Variants in DOCK2 observed in about 807,000 individuals in gnomAD.
The protein encoded by DOCK2 is dedicator of cytokinesis 2, also known as dedicator of cytokinesis protein 2.
In DOCK2, 87 loss-of-function variants were observed where a neutral mutation model predicts 248.9. That is an observed-to-expected ratio of 0.35 (90% CI 0.29 to 0.42). The LOEUF is 0.42. Among genes scored for constraint, DOCK2 ranks in the 10% least tolerant of loss-of-function variants. DOCK2 has a pLI of 1.00. For synonymous variants in DOCK2, 805 were observed against 821.6 expected (o/e 0.98, Z 0.35); for missense variants, 1,747 against 2,300.2 (o/e 0.76, Z 4.92).
chr5:169,693,503 C>T lies in DOCK2; in HGVS notation c.844-2300C>T, dbSNP rs75510262. ...GGGGAAATAAATGAAATAATAGATG[C>T]GATGTCTAAAGATGAATTCATAAGA... On this transcript the variant is annotated intron_variant, in intron 9 of 51. Coordinates refer to ENST00000520908, the MANE Select transcript of DOCK2 (RefSeq NM_004946.3). 1.2e-3 allele frequency among the ~76,000 whole-genome samples: 177 copies of T among 152,084 alleles called. 6 individuals carry two copies. In the South Asian group the frequency reaches 0.021, roughly 18 times the overall value.
rs1360406014 is a variant in DOCK2, at chr5:169,764,383, C to T, written c.2554+2758C>T. Among the ~76,000 whole-genome samples, 3 of 152,296 alleles carry T rather than the reference C, an allele frequency of 2.0e-5. No individual in the cohort carries two copies. The East Asian group carries it at 5.8e-4, about 29-fold the overall frequency. On this transcript the variant is annotated intron_variant, in intron 25 of 51. Coordinates refer to ENST00000520908, the MANE Select transcript of DOCK2 (RefSeq NM_004946.3). This position sits in a 1 kb window ranked among gnomAD's most constrained non-coding sequence, Gnocchi z 4.3. ...TATGGAGAAGGTGGAGAAGGGTTTA[C>T]TGGTTAAGGACGGTGGTTCTTGGGT...
intron 28 of DOCK2, among the ~76,000 whole-genome samples, chr5:169,985,348 CGTGTGTGTGTGTGTGTGTGT>C (rs5873200): frequency 2.9e-5 from 4 of 136,756 alleles, no homozygotes; most frequent in Non-Finnish European, 4.7e-5. Context: ...CTAATCTGCT[CGTGTGTGTGTGTGTGTGTGT>C]GTGTGTGTGT....
At chr5:169,844,829 A>G (rs1184690014) in intron 27 of DOCK2, among the ~76,000 whole-genome samples, 2 of 152,010 alleles carry the variant, frequency 1.3e-5, no homozygotes, top group Non-Finnish European at 2.9e-5. Context: ...TTGTGAAATA[A>G]ATGGAGTAAT....
intron 23 of DOCK2, among the ~76,000 whole-genome samples, chr5:169,756,248 T>G (rs983220689): frequency 6.6e-6 from 1 of 152,164 alleles, no homozygotes; most frequent in Non-Finnish European, 1.5e-5. Context: ...CATGTAAGTG[T>G]GCGGGCTGTG....
chr5:169,762,934 T>C lies in DOCK2; in HGVS notation c.2554+1309T>C, dbSNP rs144652714. On this transcript the variant is annotated intron_variant, in intron 25 of 51. Coordinates refer to ENST00000520908, the MANE Select transcript of DOCK2 (RefSeq NM_004946.3). ...AGGAACCACTTCACTGTAAAGATGTTTTTTTCCAATGCCTGGTTAACATGG... is the reference window on the plus strand; with the variant it reads ...AGGAACCACTTCACTGTAAAGATGTCTTTTTCCAATGCCTGGTTAACATGG... Among the ~76,000 whole-genome samples, 17 of 152,312 alleles carry C rather than the reference T, an allele frequency of 1.1e-4. No individual in the cohort carries two copies. The East Asian group carries it at 3.3e-3, about 29-fold the overall frequency.
intron 46 of DOCK2, among the ~76,000 whole-genome samples, chr5:170,069,742 G>A (rs910541150): frequency 7.2e-5 from 11 of 152,282 alleles, no homozygotes; most frequent in South Asian, 2.1e-4. Flanking sequence ...CACACAAGCC[G>A]CTGCTCAGCC....
intron 26 of DOCK2, among the ~76,000 whole-genome samples, chr5:169,815,092 A>G (rs1767983326): frequency 6.6e-6 from 1 of 152,222 alleles, no homozygotes; most frequent in Non-Finnish European, 1.5e-5. Flanking sequence ...TGCAGCCTAT[A>G]GTATTTCACG....
At position 169,939,027 on chromosome 5, in the gene DOCK2, G is replaced by A. The variant is rs1433317853; in HGVS notation, c.2800-44041G>A. 4.0e-5 allele frequency among the ~76,000 whole-genome samples: 6 copies of A among 150,668 alleles called. No homozygotes were observed. The South Asian group carries it at 8.4e-4, about 21-fold the overall frequency. ...CACGCCATTCTCCTACCTTAGCCTC[G>A]GGAGTAGCTGGGACTACAGGCATGC... On this transcript the variant is annotated intron_variant, in intron 27 of 51. Transcript: ENST00000520908.
chr5:170,073,384 C>T (rs1267872805), intron 46 of DOCK2, among the ~76,000 whole-genome samples: 2 of 152,154 alleles, frequency 1.3e-5, no homozygotes, highest in Non-Finnish European at 2.9e-5. Context: ...AGTCAGTGTA[C>T]CCCAATTGTT....
chr5:169,771,755 CAATCA>C (rs1363116602), intron 25 of DOCK2, among the ~76,000 whole-genome samples: 1 of 151,824 alleles, frequency 6.6e-6, no homozygotes, highest in Non-Finnish European at 1.5e-5. Flanking sequence ...AATTTTAACA[CAATCA>C]AATCAATGTT....
intron 26 of DOCK2, among the ~76,000 whole-genome samples, chr5:169,818,733 T>C (rs1273601012): frequency 6.6e-6 from 1 of 152,140 alleles, no homozygotes; most frequent in Non-Finnish European, 1.5e-5. Context: ...GCTCTAATTC[T>C]AACAGACTGT....
At chr5:169,655,360 A>G (rs1287533845) in intron 2 of DOCK2, among the ~76,000 whole-genome samples, 2 of 152,190 alleles carry the variant, frequency 1.3e-5, no homozygotes, top group African/African-American at 2.4e-5. Context: ...TATTGAGCAC[A>G]TAGGCCTGTT....
At chr5:169,820,086 A>G (rs1768330655) in intron 26 of DOCK2, among the ~76,000 whole-genome samples, 2 of 152,224 alleles carry the variant, frequency 1.3e-5, no homozygotes, top group Non-Finnish European at 1.5e-5. Flanking sequence ...GGCGCCCGCC[A>G]TAGCTGAGGC....
intron 29 of DOCK2, among the ~76,000 whole-genome samples, chr5:169,993,468 G>A (rs765054973): frequency 1.3e-5 from 2 of 152,116 alleles, no homozygotes; most frequent in African/African-American, 2.4e-5. Context: ...CACAAGGGAG[G>A]AGACTGAAAC....
chr5:169,690,929 C>G (rs1760259563), intron 9 of DOCK2, among the ~76,000 whole-genome samples: 1 of 152,158 alleles, frequency 6.6e-6, no homozygotes, highest in South Asian at 2.1e-4. Context: ...TTAAGATGAT[C>G]AGTCTTGATC....
intron 32 of DOCK2, 121 bp from the exon 33 acceptor site, chr5:170,018,839 T>A: frequency 7.9e-7 from 1 of 1,268,558 alleles, no homozygotes; most frequent in Non-Finnish European, 1.1e-6. Context: ...AACAACTATA[T>A]AAGTGTTAAC....
intron 27 of DOCK2, among the ~76,000 whole-genome samples, chr5:169,948,060 T>C (rs1776515694): frequency 6.6e-6 from 1 of 152,142 alleles, no homozygotes; most frequent in African/African-American, 2.4e-5. Flanking sequence ...AGAGAGCTCA[T>C]CTTGTAAGGC....
chr5:169,761,416 G>A, intron 24 of DOCK2, 103 bp from the exon 25 acceptor site: 1 of 893,976 alleles, frequency 1.1e-6, no homozygotes, highest in South Asian at 1.6e-5. Context: ...CCAGGACTTG[G>A]GGGTTTCCCA....
At chr5:169,665,483 T>A (rs1308954485) in intron 2 of DOCK2, among the ~76,000 whole-genome samples, 1 of 151,718 alleles carries the variant, frequency 6.6e-6, no homozygotes, top group East Asian at 1.9e-4. Context: ...TACACACACA[T>A]ATGTATGTGC....
Sources: gnomAD v4.1 joint callset for allele counts (sites outside exome capture counted in the v4.1 genomes callset) on GRCh38, gnomAD v4.1.1 for gene constraint, Gnocchi (gnomAD v3.1) non-coding constraint, MANE v1.5 for transcripts, NCBI Gene and HGNC (gene_info 2026-07-23, HGNC 2026-07-21) for gene names.